Variants in SH3KBP1 observed in about 807,000 individuals in gnomAD.
SH3KBP1 encodes SH3 domain-containing kinase-binding protein 1.
SH3KBP1 carries 8 observed loss-of-function variants against 50.1 expected under a neutral mutation model. That is an observed-to-expected ratio of 0.16 (90% CI 0.09 to 0.29). The LOEUF (loss-of-function observed/expected upper bound fraction) is 0.29, where lower values mean the gene tolerates loss of function less well. SH3KBP1 is among the 10% of genes least tolerant of loss of function. The pLI, the probability that SH3KBP1 is intolerant of heterozygous loss-of-function variation, is 1.00. For synonymous variants in SH3KBP1, 227 were observed against 218.6 expected, an observed-to-expected ratio of 1.04 and a Z score of -0.34; for missense variants, 377 against 535.2, an observed-to-expected ratio of 0.70 and a Z score of 2.92.
chrX:19,571,663 A>T (rs939522822), intron 12 of SH3KBP1, among the ~76,000 whole-genome samples: 12 of 111,683 alleles, frequency 1.1e-4, no homozygotes, highest in African/African-American at 3.9e-4. Context: ...TCCCAGAAGG[A>T]TTGGGTGCTG....
rs992824077 is a variant in SH3KBP1, at chrX:19,535,494, G to T, written c.*923C>A. The T allele has an allele frequency of 1.8e-5, 2 of 112,389 alleles. No homozygotes were observed. The highest frequency in any genetic ancestry group is 1.9e-5 in the Non-Finnish European group (1 of 53,380). The allele number at this position is 112,389 out of a possible 1,213,427, so 9.3% of individuals were successfully genotyped here. A position where few individuals can be genotyped will look rare whatever the true frequency, so the allele number is the denominator to read the frequency against. The stretch of plus-strand genomic sequence containing the variant: ...AAGGTGCAAAGGACAGAAAGCAGGG[G>T]TTTAACTTGGCTGATGAAAAATCAA... On this transcript the variant is annotated 3_prime_UTR_variant, in exon 18 of 18. Coordinates refer to ENST00000397821, the MANE Select transcript of SH3KBP1 (RefSeq NM_031892.3).
chrX:19,731,809 G>A (rs767158122), intron 3 of SH3KBP1, among the ~76,000 whole-genome samples: 7 of 111,609 alleles, frequency 6.3e-5, no homozygotes, highest in Non-Finnish European at 3.8e-5. Context: ...TCCTTCAAGC[G>A]CCTTATAATC....
At chrX:19,584,225 T>C (rs181772220) in intron 12 of SH3KBP1, among the ~76,000 whole-genome samples, 2,228 of 92,021 alleles carry the variant, frequency 0.024, 68 homozygotes, top group African/African-American at 0.086. Flanking sequence ...TTTATATTTA[T>C]AAATATATAT....
At chrX:19,661,858 C>A (rs1185964927) in intron 6 of SH3KBP1, among the ~76,000 whole-genome samples, 1 of 111,137 alleles carries the variant, frequency 9.0e-6, no homozygotes, top group Non-Finnish European at 1.9e-5. Context: ...AGCTCCTGAC[C>A]TCAGGTGATC....
intron 1 of SH3KBP1, among the ~76,000 whole-genome samples, chrX:19,865,873 G>C (rs2068892544): frequency 8.9e-6 from 1 of 111,950 alleles, no homozygotes; most frequent in Non-Finnish European, 1.9e-5. Flanking sequence ...TTAGCCATTA[G>C]CAACAGTTCA....
At chrX:19,723,490 C>T (rs1418969475) in intron 3 of SH3KBP1, among the ~76,000 whole-genome samples, 2 of 111,874 alleles carry the variant, frequency 1.8e-5, no homozygotes, top group Non-Finnish European at 3.8e-5. Flanking sequence ...TTAAAAAATG[C>T]CAAGATGTAT....
At chrX:19,606,515 T>C (rs1233129695) in intron 9 of SH3KBP1, among the ~76,000 whole-genome samples, 1 of 112,587 alleles carries the variant, frequency 8.9e-6, no homozygotes, top group African/African-American at 3.2e-5. Context: ...TCAAGTGATT[T>C]TGCTTGGTGG....
chrX:19,752,771 A>G (rs1408407456), intron 2 of SH3KBP1, among the ~76,000 whole-genome samples: 1 of 112,782 alleles, frequency 8.9e-6, no homozygotes, highest in African/African-American at 3.2e-5. Flanking sequence ...ATTCTTTTAA[A>G]TTGAAATGTG....
chrX:19,586,009 T>C (rs762944205), intron 12 of SH3KBP1, among the ~76,000 whole-genome samples: 1 of 112,264 alleles, frequency 8.9e-6, no homozygotes, highest in African/African-American at 3.2e-5. Context: ...GCTGCTCAGA[T>C]GGCACGCACT....
At chrX:19,634,912 C>T (rs767850291) in intron 7 of SH3KBP1, among the ~76,000 whole-genome samples, 13 of 111,110 alleles carry the variant, frequency 1.2e-4, no homozygotes, top group African/African-American at 3.9e-4. Flanking sequence ...GTAGGGCTGT[C>T]CCATCTCCCA....
chrX:19,714,569 A>G (rs1317202582), intron 3 of SH3KBP1, among the ~76,000 whole-genome samples: 1 of 112,118 alleles, frequency 8.9e-6, no homozygotes, highest in East Asian at 2.8e-4. Flanking sequence ...AGCCATAAAA[A>G]AGAACGAGAT....
chrX:19,566,321 C>G (rs1013993597), intron 13 of SH3KBP1, among the ~76,000 whole-genome samples: 1 of 101,352 alleles, frequency 9.9e-6, no homozygotes. Context: ...ATCAATACCC[C>G]CAATATTTCC....
rs763356373 is a variant in SH3KBP1, at chrX:19,746,386, G to A, written c.218C>T (p.Pro73Leu). 7 of 1,203,501 alleles carry A rather than the reference G, an allele frequency of 5.8e-6. No individual in the cohort carries two copies. The South Asian group carries it at 9.0e-5, about 16-fold the overall frequency. The change falls in exon 3 of 18, where the codon CCC becomes CTC. Residue 73 changes from proline to leucine, a missense_variant. Pro to Leu is a moderately conservative substitution (Grantham distance 98, BLOSUM62 -3). Coordinates refer to ENST00000397821, the MANE Select transcript of SH3KBP1 (RefSeq NM_031892.3). The part of the protein sequence containing the change: ...DPLTNKAPEK[P>L]LHEVPSGNSL... ...GTTTCCACTGGGCACTTCGTGCAGG[G>A]GCTTTTCTGGAGCTTTGTTGGTGAG...
chrX:19,642,602 C>A (rs981203480), intron 7 of SH3KBP1, among the ~76,000 whole-genome samples: 4 of 111,622 alleles, frequency 3.6e-5, no homozygotes, highest in African/African-American at 1.3e-4. Context: ...ATTCAATAGC[C>A]CTTTGGGCTA....
chrX:19,576,846 G>A (rs1475485550), intron 12 of SH3KBP1, among the ~76,000 whole-genome samples: 1 of 111,497 alleles, frequency 9.0e-6, no homozygotes, highest in Non-Finnish European at 1.9e-5. Context: ...GCTGCCAGTT[G>A]TCAGCTATTC....
At chrX:19,714,935 G>T (rs1294582731) in intron 3 of SH3KBP1, among the ~76,000 whole-genome samples, 2 of 111,343 alleles carry the variant, frequency 1.8e-5, no homozygotes, top group Admixed American at 1.9e-4. Context: ...AAGTATTTAG[G>T]GATGAAGTGT....
intron 2 of SH3KBP1, among the ~76,000 whole-genome samples, chrX:19,789,427 G>A (rs2066465383): frequency 9.0e-6 from 1 of 110,922 alleles, no homozygotes; most frequent in Non-Finnish European, 1.9e-5. Flanking sequence ...CAGACTAGGG[G>A]GGCTTAAATA....
chrX:19,637,614 G>A (rs2061738998), intron 7 of SH3KBP1, among the ~76,000 whole-genome samples: 1 of 111,167 alleles, frequency 9.0e-6, no homozygotes, highest in Non-Finnish European at 1.9e-5. Flanking sequence ...TAGGATTGGG[G>A]TATGTTTCCC....
At chrX:19,823,974 C>A (rs1309894918) in intron 2 of SH3KBP1, among the ~76,000 whole-genome samples, 2 of 111,003 alleles carry the variant, frequency 1.8e-5, no homozygotes, top group African/African-American at 6.6e-5. Context: ...GCATGGACCA[C>A]CACGCCTGGC....
Sources: allele counts gnomAD v4.1 joint callset (sites outside exome capture counted in the v4.1 genomes callset), GRCh38; gene constraint gnomAD v4.1.1; transcripts MANE v1.5; gene names NCBI Gene and HGNC (gene_info 2026-07-23, HGNC 2026-07-21).